CLNS1A: variants seen among roughly 807,000 people sequenced by gnomAD.
The protein encoded by CLNS1A is chloride nucleotide-sensitive channel 1A.
In CLNS1A, 16 loss-of-function variants were observed where a neutral mutation model predicts 29.4. That is an observed-to-expected ratio of 0.54 (90% CI 0.37 to 0.83). The LOEUF (loss-of-function observed/expected upper bound fraction) is 0.83. Ranked by LOEUF, CLNS1A falls within the 40% of genes least tolerant of loss-of-function variation. The pLI is 0.00. For missense variants in CLNS1A, 235 were observed against 287.4 expected (o/e 0.82, Z 1.32); for synonymous variants, 96 against 104.8 (o/e 0.92, Z 0.51).
At chr11:77,637,265 T>A (rs7129009) in intron 1 of CLNS1A, among the ~76,000 whole-genome samples, 1,550 of 89,854 alleles carry the variant, frequency 0.017, 1 homozygote, top group Middle Eastern at 0.074. Context: ...AAAAAGAAAA[T>A]AAAAGAAAGA....
chr11:77,637,701 T>C lies in CLNS1A; in HGVS notation c.14A>G (p.Lys5Arg). 2 of 1,558,250 alleles carry C rather than the reference T, an allele frequency of 1.3e-6. No homozygotes were observed. The highest frequency in any genetic ancestry group is 1.7e-6 in the Non-Finnish European group (2 of 1,150,930). Residue 5 changes from lysine to arginine, a missense_variant, in exon 1 of 7, where the codon AAA becomes AGA. Physicochemically the swap from Lys to Arg is conservative, Grantham distance 26. Transcript: ENST00000525428. ...CGCTGGCCCAGGCGGCGGGAAACTT[T>C]TGAGGAAGCTCATAGCAGCAGAGTG... MSFLKSFPPPGPAEG... is the reference protein window; with the variant it reads MSFLRSFPPPGPAEG...
At chr11:77,626,544 C>T (rs890832428) in intron 2 of CLNS1A, among the ~76,000 whole-genome samples, 22 of 151,274 alleles carry the variant, frequency 1.5e-4, no homozygotes, top group African/African-American at 5.1e-4. Context: ...GAGGTTGAGG[C>T]AGGAGAATCA....
chr11:77,631,151 T>C (rs1020667283), intron 1 of CLNS1A, among the ~76,000 whole-genome samples: 1 of 152,112 alleles, frequency 6.6e-6, no homozygotes, highest in Non-Finnish European at 1.5e-5. Context: ...AGATCACTCA[T>C]GTTCAGTGGA....
intron 1 of CLNS1A, among the ~76,000 whole-genome samples, chr11:77,634,245 AAT>A (rs1287395216): frequency 6.6e-6 from 1 of 152,172 alleles, no homozygotes; most frequent in East Asian, 1.9e-4. Flanking sequence ...CCTCAAACTA[AAT>A]AGTTTCACCA....
intron 2 of CLNS1A, among the ~76,000 whole-genome samples, chr11:77,626,707 T>C: frequency 6.8e-6 from 1 of 147,696 alleles, no homozygotes; most frequent in African/African-American, 2.5e-5. Context: ...TTTTTTTTTT[T>C]TTGAGACGGA....
rs560008588 is a variant in CLNS1A, at chr11:77,637,483, C to A, written c.125+107G>T. Reference sequence around the variant, plus strand: ...GAGGCGTCGGGCACGAGACCCCGCTCCCAGCAGGCCTCCAGGCCGCCCCTT... The same window carrying A: ...GAGGCGTCGGGCACGAGACCCCGCTACCAGCAGGCCTCCAGGCCGCCCCTT... On this transcript the variant is annotated intron_variant, in intron 1 of 6. Coordinates refer to ENST00000525428, the MANE Select transcript of CLNS1A (RefSeq NM_001293.3). 6,493 of 1,410,088 alleles carry A rather than the reference C, an allele frequency of 4.6e-3. 22 individuals are homozygous for A. Among genetic ancestry groups the A allele is most frequent in the Non-Finnish European group, 5.7e-3 (6,053 of 1,064,208 alleles). 87.3% of individuals were successfully genotyped at this position (1,410,088 alleles called of 1,614,324 possible).
At chr11:77,631,988 C>A (rs1227863229) in intron 1 of CLNS1A, among the ~76,000 whole-genome samples, 1 of 152,206 alleles carries the variant, frequency 6.6e-6, no homozygotes, top group African/African-American at 2.4e-5. Flanking sequence ...TCTGCCACCT[C>A]GGCCTCCCAA....
At chr11:77,625,911 C>A in intron 2 of CLNS1A, 93 bp from the exon 3 acceptor site, 1 of 1,065,296 alleles carries the variant, frequency 9.4e-7, no homozygotes, top group Non-Finnish European at 1.3e-6. Flanking sequence ...ATTTTAATTT[C>A]CAATTATGGT....
At chr11:77,623,675 G>C (rs1339317901) in intron 4 of CLNS1A, among the ~76,000 whole-genome samples, 2 of 152,052 alleles carry the variant, frequency 1.3e-5, no homozygotes, top group Admixed American at 1.3e-4. Flanking sequence ...GAAAGATAAG[G>C]ATATATTTGG....
At chr11:77,626,857 AATTTTTTTGT>A (rs1384945215) in intron 2 of CLNS1A, among the ~76,000 whole-genome samples, 2 of 144,276 alleles carry the variant, frequency 1.4e-5, no homozygotes, top group Non-Finnish European at 3.0e-5. Context: ...ACACCTGGCT[AATTTTTTTGT>A]ATTTTTTTTA....
chr11:77,619,634 A>G lies in CLNS1A; in HGVS notation c.708T>C (p.Asp236=), dbSNP rs771860444. 6.2e-7 allele frequency: 1 copy of G among 1,612,786 alleles called. No homozygotes were observed. Among genetic ancestry groups the G allele is most frequent in the East Asian group, 2.2e-5 (1 of 44,860 alleles). The part of the protein sequence containing the change: ...VAGQFEDADV[D]H ...AAACTTGCATAAATCATTTTCAGTG[A>G]TCAACATCTGCATCCTCAAACTGTC... Residue 236 remains aspartate, a synonymous_variant, in exon 6 of 7, where the codon GAT becomes GAC. Transcript: ENST00000525428.
At chr11:77,625,210 G>T in intron 3 of CLNS1A, 140 bp from the exon 4 acceptor site, 1 of 620,712 alleles carries the variant, frequency 1.6e-6, no homozygotes, top group Non-Finnish European at 2.9e-6. Flanking sequence ...GAAAGCGGTT[G>T]AAGCAAAAGA....
At chr11:77,633,522 A>G (rs1472894570) in intron 1 of CLNS1A, among the ~76,000 whole-genome samples, 3 of 152,248 alleles carry the variant, frequency 2.0e-5, no homozygotes, top group Non-Finnish European at 2.9e-5. Context: ...TTAGACACAG[A>G]GTAAACATGT....
At chr11:77,628,920 T>C (rs1331543047) in intron 2 of CLNS1A, among the ~76,000 whole-genome samples, 1 of 152,206 alleles carries the variant, frequency 6.6e-6, no homozygotes, top group Non-Finnish European at 1.5e-5. Flanking sequence ...CATAGCAGAA[T>C]ATTTAGTATA....
At chr11:77,616,741 A>ATAC (rs1195989255) in intron 6 of CLNS1A, 46 bp from the exon 7 acceptor site, 2 of 152,308 alleles carry the variant, frequency 1.3e-5, no homozygotes, top group African/African-American at 4.8e-5. Flanking sequence ...GATAATAATA[A>ATAC]TAGCTACTAC....
chr11:77,632,028 C>T (rs866581905), intron 1 of CLNS1A, among the ~76,000 whole-genome samples: 3 of 152,304 alleles, frequency 2.0e-5, no homozygotes, highest in South Asian at 2.1e-4. Flanking sequence ...TGAGCCACTG[C>T]GCCTGGCCTA....
Position 77,629,396 on chromosome 11 carries a change from T to G in CLNS1A, c.262+367A>C, listed in dbSNP as rs35437532. 9.6e-3 allele frequency among the ~76,000 whole-genome samples: 1,452 copies of G among 152,022 alleles called. 9 individuals are homozygous for G. The highest frequency in any genetic ancestry group is 0.015 in the Non-Finnish European group (1,012 of 67,968). On this transcript the variant is annotated intron_variant, in intron 2 of 6. Transcript: ENST00000525428. ...TTGATTATTATCAAAGACTCTTTTT[T>G]TTCTTTTTTTTTTTTTAGACGGAGT...
intron 2 of CLNS1A, among the ~76,000 whole-genome samples, chr11:77,627,855 T>C (rs1006143840): frequency 2.6e-5 from 4 of 152,164 alleles, no homozygotes; most frequent in Admixed American, 2.6e-4. Flanking sequence ...TTCGACCGTT[T>C]TGCTCTGTTG....
At chr11:77,628,680 A>T (rs1474242662) in intron 2 of CLNS1A, among the ~76,000 whole-genome samples, 1 of 152,252 alleles carries the variant, frequency 6.6e-6, no homozygotes, top group Non-Finnish European at 1.5e-5. Context: ...TTAAAATCTA[A>T]ATTTGAAAGA....
Sources: allele counts gnomAD v4.1 joint callset (sites outside exome capture counted in the v4.1 genomes callset), GRCh38; gene constraint gnomAD v4.1.1; transcripts MANE v1.5; gene names NCBI Gene and HGNC (gene_info 2026-07-23, HGNC 2026-07-21).